The following POU6F2 variants were observed in gnomAD, a reference collection of about 807,000 sequenced individuals.
POU6F2 encodes POU class 6 homeobox 2.
POU6F2 carries 31 observed loss-of-function variants against 71.3 expected under a neutral mutation model. The ratio of observed to expected loss-of-function variants is 0.43; its 90% CI spans 0.33 to 0.59. The LOEUF (loss-of-function observed/expected upper bound fraction) is 0.59. POU6F2 is among the 20% of genes least tolerant of loss of function. POU6F2 has a pLI of 0.04. For synonymous variants in POU6F2, 347 were observed against 355.7 expected, an observed-to-expected ratio of 0.98 and a Z score of 0.27; for missense variants, 783 against 856.8, an observed-to-expected ratio of 0.91 and a Z score of 1.07.
At chr7:39,169,423 G>C (rs1793172451) in intron 2 of POU6F2, among the ~76,000 whole-genome samples, 1 of 152,088 alleles carries the variant, frequency 6.6e-6, no homozygotes, top group Non-Finnish European at 1.5e-5. Context: ...TAAAGTGTCT[G>C]GGCCCCTCCA....
intron 5 of POU6F2, among the ~76,000 whole-genome samples, chr7:39,346,426 C>G (rs1000397295): frequency 2.0e-5 from 3 of 152,216 alleles, no homozygotes; most frequent in Non-Finnish European, 4.4e-5. Flanking sequence ...AAGATTCTTG[C>G]AGCGTTTGAA....
At chr7:39,068,221 A>C (rs1790800318) in intron 1 of POU6F2, among the ~76,000 whole-genome samples, 2 of 152,200 alleles carry the variant, frequency 1.3e-5, no homozygotes, top group African/African-American at 4.8e-5. Flanking sequence ...CACACACAAA[A>C]TAAAATTACA....
intron 2 of POU6F2, among the ~76,000 whole-genome samples, chr7:39,122,563 G>T (rs1312261897): frequency 6.6e-6 from 1 of 152,206 alleles, no homozygotes; most frequent in East Asian, 1.9e-4. Context: ...ATCTAAGGAA[G>T]AAGGAATATT....
chr7:39,340,993 T>C lies in POU6F2; in HGVS notation c.972+978T>C, dbSNP rs150462751. Among the ~76,000 whole-genome samples the C allele has an allele frequency of 3.1e-3, 475 of 152,322 alleles. 1 individual carries two copies. The highest frequency in any genetic ancestry group is 5.2e-3 in the Non-Finnish European group (354 of 68,034). ...ACAAAGTTAAACAGAGTGAGCAGCCTGTGGACCTGTTTCAAGTGCCATCTC... is the reference window on the plus strand; with the variant it reads ...ACAAAGTTAAACAGAGTGAGCAGCCCGTGGACCTGTTTCAAGTGCCATCTC... On this transcript the variant is annotated intron_variant, in intron 5 of 9. Transcript: ENST00000518318.
intron 2 of POU6F2, among the ~76,000 whole-genome samples, chr7:39,096,542 C>G (rs1791457387): frequency 6.6e-6 from 1 of 152,170 alleles, no homozygotes; most frequent in African/African-American, 2.4e-5. Flanking sequence ...AGCGAGGGCT[C>G]TTATTTCACA....
At chr7:39,335,884 A>C (rs1785763215) in intron 4 of POU6F2, among the ~76,000 whole-genome samples, 1 of 152,168 alleles carries the variant, frequency 6.6e-6, no homozygotes, top group African/African-American at 2.4e-5. Context: ...CTGCCCTGCC[A>C]ATCCTGTGCC....
intron 4 of POU6F2, 74 bp from the exon 5 acceptor site, chr7:39,339,568 T>C (rs1785862741): frequency 6.7e-7 from 1 of 1,492,284 alleles, no homozygotes; most frequent in Non-Finnish European, 8.9e-7. Flanking sequence ...CCACTTGCAC[T>C]GGACAGGCTG....
At chr7:39,015,758 T>G (rs372890879) in intron 1 of POU6F2, among the ~76,000 whole-genome samples, 1 of 95,720 alleles carries the variant, frequency 1.0e-5, no homozygotes, top group Non-Finnish European at 1.8e-5. Context: ...ATATTATATA[T>G]AGATATATTA....
intron 1 of POU6F2, among the ~76,000 whole-genome samples, chr7:39,004,381 A>G (rs933686203): frequency 2.0e-5 from 3 of 152,260 alleles, no homozygotes; most frequent in African/African-American, 7.2e-5. Flanking sequence ...AGAACTGTTC[A>G]ATCAGATTGA....
chr7:39,427,549 CT>C (rs1251006156), intron 6 of POU6F2, among the ~76,000 whole-genome samples: 2 of 152,116 alleles, frequency 1.3e-5, no homozygotes, highest in African/African-American at 4.8e-5. Flanking sequence ...CCTCCAAGTT[CT>C]TTACTCTTGT....
rs374148238 is a variant in POU6F2, at chr7:39,037,766, A to G, written c.106-48094A>G. 3.3e-5 allele frequency among the ~76,000 whole-genome samples: 5 copies of G among 152,034 alleles called. No homozygotes were observed. The East Asian group carries it at 5.8e-4, about 18-fold the overall frequency. ...TAGTTCTGAAGAGAGGTTTTGGTTG[A>G]TTTGCTCTTGGGAGAGGTTCTTTGT... On this transcript the variant is annotated intron_variant, in intron 1 of 9. Coordinates refer to ENST00000518318, the MANE Select transcript of POU6F2 (RefSeq NM_001370959.1).
chr7:39,386,086 C>T (rs1786933929), intron 5 of POU6F2, among the ~76,000 whole-genome samples: 2 of 150,024 alleles, frequency 1.3e-5, no homozygotes, highest in Non-Finnish European at 3.0e-5. Flanking sequence ...CCACTGCACT[C>T]CAGCCTGGGC....
At chr7:39,098,440 ATT>A (rs75448716) in intron 2 of POU6F2, among the ~76,000 whole-genome samples, 1 of 144,838 alleles carries the variant, frequency 6.9e-6, no homozygotes, top group Admixed American at 6.9e-5. Flanking sequence ...CACTCAGCTA[ATT>A]TTTTTTTTTT....
At chr7:39,361,713 C>T (rs1786392913) in intron 5 of POU6F2, among the ~76,000 whole-genome samples, 1 of 152,188 alleles carries the variant, frequency 6.6e-6, no homozygotes, top group Non-Finnish European at 1.5e-5. Context: ...TTTTATGTAA[C>T]ATACTTTGAG....
chr7:39,166,176 T>C (rs1324949588), intron 2 of POU6F2, among the ~76,000 whole-genome samples: 2 of 152,354 alleles, frequency 1.3e-5, no homozygotes, highest in East Asian at 1.9e-4. Context: ...AATAAATAAA[T>C]GAATGAGTCT....
In POU6F2 at chr7:39,460,379, G is replaced by A. The variant is rs1452754993; in HGVS notation, c.1490-168G>A. Among the ~76,000 whole-genome samples, 2 of 152,218 alleles carry A rather than the reference G, an allele frequency of 1.3e-5. No homozygotes were observed. The highest frequency in any genetic ancestry group is 2.9e-5 in the Non-Finnish European group (2 of 68,044). On this transcript the variant is annotated intron_variant, in intron 8 of 9. Transcript: ENST00000518318. This position sits in a 1 kb window ranked among gnomAD's most constrained non-coding sequence, Gnocchi z 4.4. ...ATTTGTGGAGGTGTAATGAGTTGCG[G>A]ATGGAGTGTTGGGTGTCTCACCTGG...
intron 6 of POU6F2, among the ~76,000 whole-genome samples, chr7:39,424,135 T>C (rs974828770): frequency 6.6e-6 from 1 of 152,130 alleles, no homozygotes; most frequent in African/African-American, 2.4e-5. Context: ...CTCTCTGGGG[T>C]CTCTTTTATA....
rs184713348 is a variant in POU6F2, at chr7:39,046,642, G to A, written c.106-39218G>A. On this transcript the variant is annotated intron_variant, in intron 1 of 9. Coordinates refer to ENST00000518318, the MANE Select transcript of POU6F2 (RefSeq NM_001370959.1). ...AGCCAGATAATTCTTTGTCATGGGAGCCTGTCTTTTTCATTCCAGAATACA... is the reference window on the plus strand; with the variant it reads ...AGCCAGATAATTCTTTGTCATGGGAACCTGTCTTTTTCATTCCAGAATACA... 2.6e-5 allele frequency among the ~76,000 whole-genome samples: 4 copies of A among 151,940 alleles called. No individual in the cohort carries two copies. In the East Asian group the frequency reaches 7.8e-4, roughly 30 times the overall value.
chr7:39,288,939 A>T (rs1784697944), intron 4 of POU6F2, among the ~76,000 whole-genome samples: 1 of 152,202 alleles, frequency 6.6e-6, no homozygotes, highest in African/African-American at 2.4e-5. Context: ...CATCCTTAGA[A>T]TAAAAGATTA....
Sources: allele counts gnomAD v4.1 joint callset (sites outside exome capture counted in the v4.1 genomes callset), GRCh38; gene constraint gnomAD v4.1.1; non-coding constraint Gnocchi (gnomAD v3.1); transcripts MANE v1.5; gene names NCBI Gene and HGNC (gene_info 2026-07-23, HGNC 2026-07-21).